TEN1: variants seen among roughly 807,000 people sequenced by gnomAD.
TEN1 encodes CST complex subunit TEN1.
TEN1 carries 6 observed loss-of-function variants against 9.3 expected under a neutral mutation model. The observed-to-expected ratio is 0.65, with a 90% CI of 0.35 to 1.27. The LOEUF is 1.27. Among genes scored for constraint, TEN1 ranks in the 50% most tolerant of loss-of-function variants. The pLI is 0.03. For missense variants in TEN1, 149 were observed against 158.2 expected (o/e 0.94, Z 0.31); for synonymous variants, 65 against 65.6 (o/e 0.99, Z 0.04).
Position 75,991,581 on chromosome 17 carries a change from G to C in TEN1, c.208G>C (p.Gly70Arg). The C allele has an allele frequency of 1.3e-6, 2 of 1,552,044 alleles. No homozygotes were observed. The highest frequency in any genetic ancestry group is 1.7e-6 in the Non-Finnish European group (2 of 1,147,064). Residue 70 changes from glycine (G) to arginine (R), a missense_variant, in exon 3 of 4, where the codon GGC becomes CGC. Gly to Arg is a moderately radical substitution (Grantham distance 125, BLOSUM62 -2). Transcript: ENST00000397640. ...GGTGGAGCCCTTCCACGCCCAGGTG[G>C]GCTCCCTGTACATCGTCCTCGGGGA... ...KLVEPFHAQVGSLYIVLGELQ... is the reference protein window; with the variant it reads ...KLVEPFHAQVRSLYIVLGELQ...
intron 3 of TEN1, among the ~76,000 whole-genome samples, chr17:75,999,167 G>A (rs1567900112): frequency 6.6e-6 from 1 of 151,968 alleles, no homozygotes; most frequent in Admixed American, 6.6e-5. Flanking sequence ...GCAACATGGC[G>A]AGACCCCATC....
intron 3 of TEN1, among the ~76,000 whole-genome samples, chr17:75,992,802 GTTT>G (rs557899982): frequency 3.3e-5 from 4 of 122,102 alleles, no homozygotes; most frequent in Non-Finnish European, 6.8e-5. Flanking sequence ...GTGAGCCACC[GTTT>G]TTTTTTTTTT....
At chr17:75,999,989 C>T (rs1475416534) in intron 3 of TEN1, among the ~76,000 whole-genome samples, 152 bp from the exon 4 acceptor site, 1 of 152,142 alleles carries the variant, frequency 6.6e-6, no homozygotes, top group African/African-American at 2.4e-5. Context: ...CCCAAATACT[C>T]AGTTGCCTTT....
intron 3 of TEN1, among the ~76,000 whole-genome samples, chr17:75,999,485 G>C (rs745518055): frequency 2.0e-5 from 3 of 152,054 alleles, no homozygotes; most frequent in South Asian, 2.1e-4. Flanking sequence ...TGGGATTACA[G>C]GCATGCACCA....
chr17:75,991,304 T>C (rs369682922), intron 2 of TEN1, among the ~76,000 whole-genome samples, 162 bp from the exon 3 acceptor site: 1 of 152,172 alleles, frequency 6.6e-6, no homozygotes, highest in African/African-American at 2.4e-5. Context: ...TTCTACAGTG[T>C]AGACTGAAAC....
intron 2 of TEN1, among the ~76,000 whole-genome samples, chr17:75,986,938 TGTCA>T (rs906531997): frequency 1.3e-5 from 2 of 152,098 alleles, no homozygotes; most frequent in African/African-American, 4.8e-5. Context: ...ATATATACTC[TGTCA>T]GTTATTTATC....
chr17:75,980,076 C>G (rs898852487), intron 1 of TEN1, among the ~76,000 whole-genome samples: 3 of 151,900 alleles, frequency 2.0e-5, no homozygotes, highest in Non-Finnish European at 2.9e-5. Flanking sequence ...GTGGCTCACG[C>G]CTGGAATCCC....
intron 1 of TEN1, among the ~76,000 whole-genome samples, chr17:75,982,268 T>A (rs2066126518): frequency 6.6e-6 from 1 of 152,192 alleles, no homozygotes; most frequent in African/African-American, 2.4e-5. Context: ...CAGCATTAGA[T>A]CATACCTTTT....
intron 1 of TEN1, among the ~76,000 whole-genome samples, chr17:75,981,704 C>G (rs891076361): frequency 6.7e-6 from 1 of 149,808 alleles, no homozygotes; most frequent in Non-Finnish European, 1.5e-5. Context: ...TCATAGAAAA[C>G]AGAGTCATTT....
chr17:75,991,149 C>CAAAAAAAAAAAAAAAAAAAAGAA (rs71361699), intron 2 of TEN1, among the ~76,000 whole-genome samples: 2 of 70,208 alleles, frequency 2.8e-5, no homozygotes, highest in Non-Finnish European at 5.1e-5. Context: ...GACTCCATCT[C>CAAAAAAAAAAAAAAAAAAAAGAA]AAAAAAAAAA....
intron 1 of TEN1, among the ~76,000 whole-genome samples, chr17:75,979,731 C>T (rs557820099): frequency 2.6e-5 from 4 of 152,068 alleles, no homozygotes; most frequent in South Asian, 4.2e-4. Flanking sequence ...CCAAATCCAC[C>T]CGGATTGGAG....
chr17:76,000,136 T>G lies in TEN1; in HGVS notation c.251-5T>G, dbSNP rs933313011. On this transcript the variant is annotated splice_polypyrimidine_tract_variant and splice_region_variant and intron_variant, in intron 3 of 3. Coordinates refer to ENST00000397640, the MANE Select transcript of TEN1 (RefSeq NM_001113324.3). The surrounding 1 kb of genome is among the most constrained non-coding windows in gnomAD (Gnocchi z 5.9). ...GCCGTTCGTGCCCTGGTGTTTGTCT[T>G]GCAGACAGAGGCTCCGTGGTGAAGG... 6.4e-7 allele frequency: 1 copy of G among 1,550,702 alleles called. No homozygotes were observed. Among genetic ancestry groups the G allele is most frequent in the South Asian group, 1.2e-5 (1 of 84,016 alleles).
chr17:75,983,004 G>A (rs993882896), intron 1 of TEN1, among the ~76,000 whole-genome samples: 7 of 150,734 alleles, frequency 4.6e-5, no homozygotes, highest in African/African-American at 1.2e-4. Flanking sequence ...GAAGAGGCCC[G>A]GTGAGGTGTC....
At chr17:75,987,609 C>A (rs574111974) in intron 2 of TEN1, among the ~76,000 whole-genome samples, 59 of 152,174 alleles carry the variant, frequency 3.9e-4, no homozygotes, top group African/African-American at 1.3e-3. Flanking sequence ...GACACGTGTA[C>A]ATACATATAG....
chr17:75,997,135 C>G (rs1026236762), intron 3 of TEN1, among the ~76,000 whole-genome samples: 4 of 152,124 alleles, frequency 2.6e-5, no homozygotes, highest in African/African-American at 9.7e-5. Context: ...CGGGCTTTCT[C>G]CCCCATCTCT....
intron 3 of TEN1, among the ~76,000 whole-genome samples, chr17:75,998,551 A>G (rs776239216): frequency 6.6e-5 from 10 of 152,222 alleles, no homozygotes; most frequent in Non-Finnish European, 1.3e-4. Context: ...TAGCCTGTAT[A>G]GACAGCTAGG....
chr17:75,997,058 A>G (rs188055274), intron 3 of TEN1, among the ~76,000 whole-genome samples: 18 of 152,148 alleles, frequency 1.2e-4, no homozygotes, highest in African/African-American at 3.9e-4. Context: ...ATTGCATGCC[A>G]TCCACTCTCC....
intron 3 of TEN1, among the ~76,000 whole-genome samples, chr17:75,995,420 T>C (rs556107934): frequency 7.6e-4 from 116 of 152,154 alleles, no homozygotes; most frequent in African/African-American, 2.6e-3. Context: ...GGCCCAAAGC[T>C]CTATGGGGAC....
intron 2 of TEN1, among the ~76,000 whole-genome samples, chr17:75,987,418 C>T (rs2066158430): frequency 6.6e-6 from 1 of 152,226 alleles, no homozygotes; most frequent in Admixed American, 6.5e-5. Flanking sequence ...CTGCCAGAAG[C>T]AGTGACCAAG....
Sources: allele counts gnomAD v4.1 joint callset (sites outside exome capture counted in the v4.1 genomes callset), GRCh38; gene constraint gnomAD v4.1.1; non-coding constraint Gnocchi (gnomAD v3.1); transcripts MANE v1.5; gene names NCBI Gene and HGNC (gene_info 2026-07-23, HGNC 2026-07-21).